RAD18: variants seen among roughly 807,000 people sequenced by gnomAD.
RAD18 encodes the protein E3 ubiquitin-protein ligase RAD18.
RAD18 carries 47 observed loss-of-function variants against 60.4 expected under a neutral mutation model. The ratio of observed to expected loss-of-function variants is 0.78; its 90% CI spans 0.62 to 0.99. The LOEUF (loss-of-function observed/expected upper bound fraction) is 0.99. RAD18 is among the 50% of genes least tolerant of loss of function. The pLI, the probability that RAD18 is intolerant of heterozygous loss-of-function variation, is 0.00. For missense variants in RAD18, 640 were observed against 593.3 expected (o/e 1.08, Z -0.82); for synonymous variants, 225 against 195.5 (o/e 1.15, Z -1.26).
chr3:8,948,876 C>G (rs974112518), intron 2 of RAD18, among the ~76,000 whole-genome samples: 2 of 152,122 alleles, frequency 1.3e-5, no homozygotes, highest in Non-Finnish European at 2.9e-5. Flanking sequence ...ACTGTATAAA[C>G]CTGCCAGATA....
At chr3:8,930,027 T>C (rs765628320) in intron 7 of RAD18, among the ~76,000 whole-genome samples, 26 of 152,186 alleles carry the variant, frequency 1.7e-4, no homozygotes, top group Non-Finnish European at 3.2e-4. Context: ...TTCCTCAAAA[T>C]GTTAAAATAG....
At chr3:8,887,878 G>A (rs1281757412) in intron 12 of RAD18, among the ~76,000 whole-genome samples, 2 of 152,070 alleles carry the variant, frequency 1.3e-5, no homozygotes, top group Non-Finnish European at 2.9e-5. Flanking sequence ...AGACAGCAAC[G>A]GGCCCAGCCA....
At chr3:8,912,394 C>G in intron 8 of RAD18, 22 bp from the exon 9 acceptor site, 1 of 1,484,218 alleles carries the variant, frequency 6.7e-7, no homozygotes, top group African/African-American at 1.4e-5. Flanking sequence ...AAAAAAAGAC[C>G]TTAATAAAAA....
intron 12 of RAD18, among the ~76,000 whole-genome samples, chr3:8,883,591 C>T (rs1559751974): frequency 6.6e-6 from 1 of 152,268 alleles, no homozygotes; most frequent in Admixed American, 6.5e-5. Context: ...TCACTCAACA[C>T]TCAGTGGACA....
At chr3:8,956,749 T>TAAAAAAAAAAAA (rs1385856477) in intron 2 of RAD18, among the ~76,000 whole-genome samples, 3 of 89,236 alleles carry the variant, frequency 3.4e-5, no homozygotes, top group South Asian at 3.0e-4. Flanking sequence ...CATTCATGAT[T>TAAAAAAAAAAAA]TAAAAAAAAA....
intron 7 of RAD18, among the ~76,000 whole-genome samples, chr3:8,922,911 T>A (rs1379515622): frequency 6.6e-6 from 1 of 152,018 alleles, no homozygotes; most frequent in African/African-American, 2.4e-5. Context: ...CAAAACCCCA[T>A]CTGTACGTCA....
chr3:8,953,902 T>C (rs1026013096), intron 2 of RAD18, among the ~76,000 whole-genome samples: 1 of 152,204 alleles, frequency 6.6e-6, no homozygotes, highest in African/African-American at 2.4e-5. Context: ...ATTTCATTTT[T>C]TAAAACAAAC....
chr3:8,930,559 T>C (rs1296250380), intron 7 of RAD18, among the ~76,000 whole-genome samples: 1 of 152,202 alleles, frequency 6.6e-6, no homozygotes, highest in Non-Finnish European at 1.5e-5. Flanking sequence ...TATCTCAGTA[T>C]TATATGAATT....
At chr3:8,953,869 G>A (rs911514289) in intron 2 of RAD18, among the ~76,000 whole-genome samples, 3 of 150,870 alleles carry the variant, frequency 2.0e-5, no homozygotes, top group African/African-American at 7.3e-5. Context: ...ATCAAAGCTT[G>A]TGTAGAAGTA....
intron 2 of RAD18, among the ~76,000 whole-genome samples, chr3:8,953,342 T>G (rs1030674546): frequency 6.6e-6 from 1 of 151,992 alleles, no homozygotes; most frequent in African/African-American, 2.4e-5. Context: ...ATAAGGCTAC[T>G]GCTTTCTCTT....
chr3:8,903,686 T>C (rs1234748474), intron 9 of RAD18, among the ~76,000 whole-genome samples: 4 of 152,240 alleles, frequency 2.6e-5, no homozygotes, highest in African/African-American at 4.8e-5. Flanking sequence ...TTCTGAACCA[T>C]GCAGCTGAGG....
chr3:8,950,099 C>T (rs1033326963), intron 2 of RAD18, among the ~76,000 whole-genome samples: 1 of 152,090 alleles, frequency 6.6e-6, no homozygotes, highest in Non-Finnish European at 1.5e-5. Flanking sequence ...GGCGCAATCT[C>T]GGCTCAATGC....
chr3:8,881,345 C>G lies in RAD18; in HGVS notation c.*12G>C. 1 of 1,578,126 alleles carries G rather than the reference C, an allele frequency of 6.3e-7. No individual in the cohort carries two copies. Among genetic ancestry groups the G allele is most frequent in the Admixed American group, 1.7e-5 (1 of 58,924 alleles). ...CTAATCAATGCATTTGAAAAGTCAGCAAAAGCCCACATTAATTCCTATTAC... is the reference window on the plus strand; with the variant it reads ...CTAATCAATGCATTTGAAAAGTCAGGAAAAGCCCACATTAATTCCTATTAC... On this transcript the variant is annotated 3_prime_UTR_variant, in exon 13 of 13. Coordinates refer to ENST00000264926, the MANE Select transcript of RAD18 (RefSeq NM_020165.4).
intron 1 of RAD18, among the ~76,000 whole-genome samples, chr3:8,960,513 G>A (rs1269458258): frequency 6.6e-6 from 1 of 152,118 alleles, no homozygotes; most frequent in Non-Finnish European, 1.5e-5. Context: ...GTCGCTAATG[G>A]TCCATATGAT....
chr3:8,944,180 AT>A (rs1250856685), intron 4 of RAD18, among the ~76,000 whole-genome samples: 2 of 152,224 alleles, frequency 1.3e-5, no homozygotes, highest in African/African-American at 4.8e-5. Flanking sequence ...AAAACAACAA[AT>A]TTTAAATTTT....
At chr3:8,931,583 C>T (rs2125063302) in intron 7 of RAD18, 1 of 152,364 alleles carries the variant, frequency 6.6e-6, no homozygotes, top group Non-Finnish European at 1.5e-5. Context: ...TTTCTACACT[C>T]AGTGTTCAGA....
At chr3:8,953,771 T>C (rs895709149) in intron 2 of RAD18, among the ~76,000 whole-genome samples, 28 of 151,488 alleles carry the variant, frequency 1.8e-4, no homozygotes, top group Middle Eastern at 3.5e-3. Context: ...AATTGGCTTG[T>C]GGACACTGAT....
intron 12 of RAD18, among the ~76,000 whole-genome samples, chr3:8,881,863 A>G (rs1939468764): frequency 6.6e-6 from 1 of 152,240 alleles, no homozygotes; most frequent in African/African-American, 2.4e-5. Flanking sequence ...TTCCAAAGAA[A>G]AATATGCCCC....
chr3:8,912,909 TAC>T (rs754033527), intron 8 of RAD18, among the ~76,000 whole-genome samples: 39 of 152,306 alleles, frequency 2.6e-4, no homozygotes, highest in Admixed American at 5.9e-4. Context: ...GTTCCCATCT[TAC>T]AGTTAGCACA....
Sources: allele counts gnomAD v4.1 joint callset (sites outside exome capture counted in the v4.1 genomes callset), GRCh38; gene constraint gnomAD v4.1.1; transcripts MANE v1.5; gene names NCBI Gene and HGNC (gene_info 2026-07-23, HGNC 2026-07-21).